The following ACTR3C variants were observed in gnomAD, a reference collection of about 807,000 sequenced individuals.
ACTR3C encodes actin related protein 3C, also known as actin-related protein 3C.
ACTR3C carries 18 observed loss-of-function variants against 26.3 expected under a neutral mutation model. The observed-to-expected ratio is 0.68, with a 90% CI of 0.47 to 1.01. ACTR3C has a LOEUF of 1.01. ACTR3C is among the 50% of genes least tolerant of loss of function. The pLI is 0.00. For synonymous variants in ACTR3C, 55 were observed against 94.5 expected, an observed-to-expected ratio of 0.58 and a Z score of 2.42; for missense variants, 184 against 250.7, an observed-to-expected ratio of 0.73 and a Z score of 1.80.
the ACTR3C span, among the ~76,000 whole-genome samples, chr7:150,035,901 C>A: frequency 1.7e-5 from 2 of 116,956 alleles, 1 homozygote; most frequent in Non-Finnish European, 3.8e-5. Flanking sequence ...AGCTCTCAGT[C>A]CCCACCCTCG....
the ACTR3C span, among the ~76,000 whole-genome samples, chr7:149,931,276 G>A: frequency 6.6e-6 from 1 of 152,216 alleles, no homozygotes; most frequent in African/African-American, 2.4e-5. Flanking sequence ...AGTTCTTCGG[G>A]GGAGGATTGT....
the ACTR3C span, among the ~76,000 whole-genome samples, chr7:150,226,390 CCTTT>C: frequency 6.6e-6 from 1 of 151,898 alleles, no homozygotes; most frequent in East Asian, 1.9e-4. Context: ...TGTATTTTTG[CCTTT>C]CTAAATAGTG....
chr7:150,152,516 T>C, the ACTR3C span, among the ~76,000 whole-genome samples: 1 of 152,232 alleles, frequency 6.6e-6, no homozygotes, highest in Non-Finnish European at 1.5e-5. Flanking sequence ...GATAAGCTTT[T>C]TGATGTGCTG....
At chr7:150,123,894 G>A in the ACTR3C span, among the ~76,000 whole-genome samples, 11 of 152,126 alleles carry the variant, frequency 7.2e-5, no homozygotes, top group Non-Finnish European at 5.9e-5. Flanking sequence ...TCCAGGCCAC[G>A]GAGCCACGTG....
the ACTR3C span, among the ~76,000 whole-genome samples, chr7:149,990,923 G>A: frequency 1.5e-3 from 233 of 152,360 alleles, no homozygotes; most frequent in Non-Finnish European, 2.7e-3. Flanking sequence ...AAGTGAGACC[G>A]GAAAGCGAGT....
the ACTR3C span, among the ~76,000 whole-genome samples, chr7:150,107,937 A>G: frequency 5.9e-5 from 9 of 152,040 alleles, no homozygotes; most frequent in Non-Finnish European, 1.3e-4. Context: ...ATTTGGTCGT[A>G]GTGTCAATTG....
At chr7:149,937,343 T>C in the ACTR3C span, among the ~76,000 whole-genome samples, 339 of 150,278 alleles carry the variant, frequency 2.3e-3, no homozygotes, top group Non-Finnish European at 3.6e-3. Context: ...GAGGAGAGAG[T>C]AATTCTTTGT....
At chr7:150,039,685 G>C in the ACTR3C span, among the ~76,000 whole-genome samples, 83 of 127,846 alleles carry the variant, frequency 6.5e-4, 2 homozygotes, top group Admixed American at 1.2e-3. Context: ...CAACGATGGG[G>C]GGTCCTAAGC....
chr7:150,124,244 T>C, the ACTR3C span, among the ~76,000 whole-genome samples: 1 of 152,252 alleles, frequency 6.6e-6, no homozygotes, highest in Non-Finnish European at 1.5e-5. Flanking sequence ...TATGTTTCAA[T>C]AGAAGTTGCA....
chr7:149,938,064 A>C, the ACTR3C span, among the ~76,000 whole-genome samples: 1 of 152,218 alleles, frequency 6.6e-6, no homozygotes, highest in Non-Finnish European at 1.5e-5. Context: ...GCAGCAGCCC[A>C]GCTATCTTCC....
chr7:150,192,306 T>C, the ACTR3C span, among the ~76,000 whole-genome samples: 4 of 152,190 alleles, frequency 2.6e-5, no homozygotes, highest in Admixed American at 6.5e-5. Context: ...TACTTTTTTT[T>C]TTCCAAGACA....
At chr7:149,970,206 C>T in the ACTR3C span, among the ~76,000 whole-genome samples, 2 of 151,680 alleles carry the variant, frequency 1.3e-5, no homozygotes, top group Non-Finnish European at 2.9e-5. Flanking sequence ...TCGTTCTGCA[C>T]CAAATGTATT....
chr7:150,046,035 T>A, the ACTR3C span, among the ~76,000 whole-genome samples: 290 of 151,448 alleles, frequency 1.9e-3, 2 homozygotes, highest in African/African-American at 6.8e-3. Flanking sequence ...CTGAAGGATC[T>A]GTCTATTTCC....
intron 1 of ACTR3C, among the ~76,000 whole-genome samples, chr7:150,321,122 G>A (rs757940028): frequency 3.9e-5 from 6 of 152,056 alleles, no homozygotes; most frequent in South Asian, 4.2e-4. Flanking sequence ...TGATCACCTC[G>A]GCTTGTGTTC....
the ACTR3C span, among the ~76,000 whole-genome samples, chr7:150,144,271 T>C: frequency 6.6e-6 from 1 of 152,132 alleles, no homozygotes; most frequent in Non-Finnish European, 1.5e-5. The surrounding 1 kb of genome is among the most constrained non-coding windows in gnomAD (Gnocchi z 4.6). Context: ...CTAGAAAAAA[T>C]ACCATGTTAA....
chr7:149,881,576 G>C, the ACTR3C span: 10,554 of 105,638 alleles, frequency 0.1, 597 homozygotes, highest in African/African-American at 0.24. Context: ...GGTAGTGGCT[G>C]GCTGGGCGGT....
chr7:149,937,726 C>G, the ACTR3C span, among the ~76,000 whole-genome samples: 1 of 152,108 alleles, frequency 6.6e-6, no homozygotes, highest in Admixed American at 6.5e-5. Context: ...GGAGCAGGAG[C>G]TCGGGGATGG....
intron 6 of ACTR3C, among the ~76,000 whole-genome samples, chr7:150,276,901 T>C (rs1834931553): frequency 6.6e-6 from 1 of 152,204 alleles, no homozygotes; most frequent in Non-Finnish European, 1.5e-5. Flanking sequence ...ATTTTGTGTG[T>C]CAACTTGGCC....
At chr7:150,256,126 G>T (rs1833206999) in intron 6 of ACTR3C, among the ~76,000 whole-genome samples, 1 of 152,234 alleles carries the variant, frequency 6.6e-6, no homozygotes, top group Non-Finnish European at 1.5e-5. Flanking sequence ...TGACAGTGTA[G>T]TATTCCATGG....
Sources: allele counts gnomAD v4.1 joint callset (sites outside exome capture counted in the v4.1 genomes callset), GRCh38; gene constraint gnomAD v4.1.1; non-coding constraint Gnocchi (gnomAD v3.1); transcripts MANE v1.5; gene names NCBI Gene and HGNC (gene_info 2026-07-23, HGNC 2026-07-21).